The following STAC variants were observed in gnomAD, a reference collection of about 807,000 sequenced individuals.
STAC encodes SH3 and cysteine-rich domain-containing protein.
STAC carries 43 observed loss-of-function variants against 48.8 expected under a neutral mutation model. The observed-to-expected ratio is 0.88, with a 90% confidence interval of 0.69 to 1.14. The LOEUF (loss-of-function observed/expected upper bound fraction) is 1.14. Ranked by LOEUF, STAC falls within the 50% of genes most tolerant of loss-of-function variation. STAC has a pLI of 0.00. For synonymous variants in STAC, 193 were observed against 179.5 expected (o/e 1.07, Z -0.60); for missense variants, 497 against 504.0 (o/e 0.99, Z 0.13).
Position 36,441,379 on chromosome 3 carries a change from A to G in STAC, c.112-1985A>G, listed in dbSNP as rs562403684. Among the ~76,000 whole-genome samples the G allele has an allele frequency of 2.0e-5, 3 of 152,202 alleles. No individual in the cohort carries two copies. In the South Asian group the frequency reaches 6.2e-4, roughly 32 times the overall value. Reference sequence around the variant, plus strand: ...CTTTTCCTGGCTTATTTTATTTAACATAATGTCCTCCTGTCCCATCCATGT... The same window carrying G: ...CTTTTCCTGGCTTATTTTATTTAACGTAATGTCCTCCTGTCCCATCCATGT... On this transcript the variant is annotated intron_variant, in intron 1 of 10. Transcript: ENST00000273183.
chr3:36,407,814 T>G (rs73059916), intron 1 of STAC, among the ~76,000 whole-genome samples: 3,541 of 152,330 alleles, frequency 0.023, 60 homozygotes, highest in East Asian at 0.026. Context: ...AGTTTTTGTT[T>G]GTTACAAGTC....
chr3:36,546,402 C>A lies in STAC; in HGVS notation c.*113C>A. ...CGCACTGACCCAGCCCCCCAGGAAA[C>A]AGTGAGACAAGAATCAAGTATCTGA... On this transcript the variant is annotated 3_prime_UTR_variant, in exon 11 of 11. Transcript: ENST00000273183. 1 of 868,866 alleles carries A rather than the reference C, an allele frequency of 1.2e-6. No individual in the cohort carries two copies. Among genetic ancestry groups the A allele is most frequent in the Non-Finnish European group, 1.9e-6 (1 of 532,368 alleles). 53.8% of individuals were successfully genotyped at this position (868,866 alleles called of 1,614,324 possible). A position where few individuals can be genotyped will look rare whatever the true frequency, so the allele number is the denominator to read the frequency against.
intron 2 of STAC, among the ~76,000 whole-genome samples, chr3:36,462,238 G>C (rs1380514590): frequency 1.3e-5 from 2 of 152,108 alleles, no homozygotes; most frequent in Non-Finnish European, 2.9e-5. Flanking sequence ...TAGGGAAACT[G>C]TCTACTATAA....
At chr3:36,481,572 A>C (rs1471978832) in intron 2 of STAC, among the ~76,000 whole-genome samples, 1 of 152,196 alleles carries the variant, frequency 6.6e-6, no homozygotes, top group Non-Finnish European at 1.5e-5. Flanking sequence ...CTACCTGGAC[A>C]TATTCATTCC....
At chr3:36,479,794 GA>G (rs1697596513) in intron 2 of STAC, among the ~76,000 whole-genome samples, 1 of 152,208 alleles carries the variant, frequency 6.6e-6, no homozygotes, top group South Asian at 2.1e-4. Context: ...TTGCAGCAAT[GA>G]CTTTGTGATG....
chr3:36,441,940 T>G (rs76500991), intron 1 of STAC, among the ~76,000 whole-genome samples: 2,296 of 144,310 alleles, frequency 0.016, 30 homozygotes, highest in African/African-American at 0.023. Flanking sequence ...TGTTTGGAGG[T>G]TTGTGTTTTT....
chr3:36,420,572 T>C (rs1030753675), intron 1 of STAC, among the ~76,000 whole-genome samples: 8 of 152,204 alleles, frequency 5.3e-5, no homozygotes, highest in African/African-American at 1.9e-4. Context: ...GAACTGTGCA[T>C]GCGAGGACGC....
At chr3:36,536,553 T>C (rs961613268) in intron 10 of STAC, among the ~76,000 whole-genome samples, 4 of 151,994 alleles carry the variant, frequency 2.6e-5, no homozygotes, top group African/African-American at 9.7e-5. Context: ...ATGCAGAAGA[T>C]TGAAGATGGA....
At chr3:36,434,419 T>TCTAC (rs1286167069) in intron 1 of STAC, among the ~76,000 whole-genome samples, 126 of 152,330 alleles carry the variant, frequency 8.3e-4, no homozygotes, top group African/African-American at 3.0e-3. Context: ...AAATCAAAGA[T>TCTAC]GTAGACCACA....
intron 5 of STAC, among the ~76,000 whole-genome samples, chr3:36,487,223 G>A (rs530882533): frequency 2.0e-5 from 3 of 152,286 alleles, no homozygotes; most frequent in Non-Finnish European, 2.9e-5. Context: ...AATGTAGGTC[G>A]GGTAGGCAAG....
chr3:36,478,175 G>A (rs560055320), intron 2 of STAC, among the ~76,000 whole-genome samples: 1 of 152,240 alleles, frequency 6.6e-6, no homozygotes, highest in African/African-American at 2.4e-5. Flanking sequence ...AACACCCTTT[G>A]TTTCTTTCTT....
At chr3:36,390,385 A>T (rs1012370650) in intron 1 of STAC, among the ~76,000 whole-genome samples, 1 of 151,438 alleles carries the variant, frequency 6.6e-6, no homozygotes, top group African/African-American at 2.4e-5. Context: ...TCCATCAGGA[A>T]TAGATGTGAA....
intron 1 of STAC, among the ~76,000 whole-genome samples, chr3:36,416,752 T>A (rs1395547773): frequency 1.3e-5 from 2 of 152,214 alleles, no homozygotes; most frequent in African/African-American, 2.4e-5. Flanking sequence ...TGTTATTTTT[T>A]CCTGAGGGCT....
chr3:36,388,025 T>C (rs1466223159), intron 1 of STAC, among the ~76,000 whole-genome samples: 1 of 152,100 alleles, frequency 6.6e-6, no homozygotes, highest in Non-Finnish European at 1.5e-5. Context: ...TTGATCCTGA[T>C]GGGTACAAGA....
rs543332666 is a variant in STAC, at chr3:36,388,465, T to C, written c.111+7711T>C. 4.6e-5 allele frequency among the ~76,000 whole-genome samples: 7 copies of C among 152,218 alleles called. No individual in the cohort carries two copies. The South Asian group carries it at 6.2e-4, about 14-fold the overall frequency. On this transcript the variant is annotated intron_variant, in intron 1 of 10. Transcript: ENST00000273183. ...TTTCAATTCTATTACATTTTCAATG[T>C]AGAAGTTTCCTTTTTTATGGTTTTA... is the stretch of plus-strand genomic sequence containing the variant.
At position 36,493,106 on chromosome 3, in the gene STAC, A is replaced by C. The variant is rs747389563; in HGVS notation, c.688-45A>C. On this transcript the variant is annotated intron_variant, in intron 5 of 10. Coordinates refer to ENST00000273183, the MANE Select transcript of STAC (RefSeq NM_003149.3). ...CCAAAGTATCTGCTCAATTGACCAC[A>C]GATATAACATTGTTCATCCCATGCT... The C allele has an allele frequency of 4.4e-6, 7 of 1,578,074 alleles. No homozygotes were observed. In the South Asian group the frequency reaches 7.8e-5, roughly 18 times the overall value.
intron 1 of STAC, among the ~76,000 whole-genome samples, chr3:36,404,278 T>A (rs1463789744): frequency 6.6e-6 from 1 of 152,200 alleles, no homozygotes; most frequent in Admixed American, 6.5e-5. Context: ...AAGTCTTTTT[T>A]AAAATGCAAA....
At chr3:36,504,504 TA>T (rs1461336768) in intron 7 of STAC, 47 bp downstream of exon 7, 18 of 1,565,384 alleles carry the variant, frequency 1.1e-5, no homozygotes, top group Non-Finnish European at 1.5e-5. Flanking sequence ...AGTCCTTAGA[TA>T]GACCTGCAGG....
chr3:36,413,145 T>C (rs932581702), intron 1 of STAC, among the ~76,000 whole-genome samples: 2 of 152,208 alleles, frequency 1.3e-5, no homozygotes, highest in African/African-American at 4.8e-5. Flanking sequence ...GACGAATGTA[T>C]ATTCTGTTGA....
Sources: allele counts gnomAD v4.1 joint callset (sites outside exome capture counted in the v4.1 genomes callset), GRCh38; gene constraint gnomAD v4.1.1; transcripts MANE v1.5; gene names NCBI Gene and HGNC (gene_info 2026-07-23, HGNC 2026-07-21).